The following DAGLB variants were observed in gnomAD, a reference collection of about 807,000 sequenced individuals.
The protein encoded by DAGLB is diacylglycerol lipase beta.
Under a neutral mutation model 72.1 loss-of-function variants are expected in DAGLB, and 66 were observed. That is an observed-to-expected ratio of 0.92 (90% CI 0.75 to 1.12). The LOEUF is 1.12. Ranked by LOEUF, DAGLB falls within the 50% of genes most tolerant of loss-of-function variation. The pLI, the probability that DAGLB is intolerant of heterozygous loss-of-function variation, is 0.00. For synonymous variants in DAGLB, 414 were observed against 359.5 expected, an observed-to-expected ratio of 1.15 and a Z score of -1.71; for missense variants, 1,065 against 884.9, an observed-to-expected ratio of 1.20 and a Z score of -2.58.
chr7:6,434,951 A>G lies in DAGLB; in HGVS notation c.489T>C (p.Ala163=). 1.2e-6 allele frequency: 2 copies of G among 1,614,076 alleles called. No homozygotes were observed. Among genetic ancestry groups the G allele is most frequent in the East Asian group, 2.2e-5 (1 of 44,860 alleles). The part of the protein sequence containing the change: ...IVFDPLGGKM[A]PYSSAGPSHL... Reference sequence around the variant, plus strand: ...GGCTGGGGCCGGCAGAGGAATATGGAGCCATTTTCCCCCCAAGAGGGTCAA... The same window carrying G: ...GGCTGGGGCCGGCAGAGGAATATGGGGCCATTTTCCCCCCAAGAGGGTCAA... The change falls in exon 4 of 15, where the codon GCT becomes GCC. Residue 163 remains alanine, a synonymous_variant. Coordinates refer to ENST00000297056, the MANE Select transcript of DAGLB (RefSeq NM_139179.4).
In DAGLB at chr7:6,447,905, A is replaced by G. The variant is rs1156664892; in HGVS notation, c.-63T>C. The G allele has an allele frequency of 2.0e-6, 3 of 1,506,362 alleles. No individual in the cohort carries two copies. The highest frequency in any genetic ancestry group is 2.4e-5 in the South Asian group (2 of 81,974). 93.3% of individuals were successfully genotyped at this position (1,506,362 alleles called of 1,614,324 possible). Reference sequence around the variant, plus strand: ...GCGCGCCGTTCACCGAGAACAAACCAGCACCCTCCGGACGCCGCCACCAAA... The same window carrying G: ...GCGCGCCGTTCACCGAGAACAAACCGGCACCCTCCGGACGCCGCCACCAAA... On this transcript the variant is annotated 5_prime_UTR_variant, in exon 1 of 15. Transcript: ENST00000297056.
intron 2 of DAGLB, among the ~76,000 whole-genome samples, chr7:6,436,872 C>T (rs1042222454): frequency 2.0e-5 from 3 of 151,934 alleles, no homozygotes; most frequent in Admixed American, 6.6e-5. Context: ...TGGGGCCGGG[C>T]ACGGTGACTC....
At chr7:6,433,417 T>C (rs1784554420) in intron 4 of DAGLB, among the ~76,000 whole-genome samples, 1 of 152,100 alleles carries the variant, frequency 6.6e-6, no homozygotes. Context: ...ATGGCAAGCC[T>C]CATAAAGGAC....
chr7:6,445,636 G>A (rs971578929), intron 2 of DAGLB: 1 of 176,114 alleles, frequency 5.7e-6, no homozygotes, highest in Non-Finnish European at 1.2e-5. Flanking sequence ...TCTATTTTTA[G>A]TAGAGACGTA....
At chr7:6,440,513 G>T (rs566602188) in intron 2 of DAGLB, among the ~76,000 whole-genome samples, 1 of 152,332 alleles carries the variant, frequency 6.6e-6, no homozygotes, top group East Asian at 1.9e-4. Flanking sequence ...CTTTCAGAGA[G>T]GAGTATCAGC....
At chr7:6,443,556 C>T (rs781330351) in intron 2 of DAGLB, among the ~76,000 whole-genome samples, 38 of 152,200 alleles carry the variant, frequency 2.5e-4, no homozygotes, top group Non-Finnish European at 5.3e-4. Context: ...ACCCTAAGGT[C>T]TTTTTCTCAT....
intron 2 of DAGLB, among the ~76,000 whole-genome samples, chr7:6,440,828 C>T (rs1224454264): frequency 6.6e-6 from 1 of 152,134 alleles, no homozygotes; most frequent in Non-Finnish European, 1.5e-5. Flanking sequence ...GAGATCCCAC[C>T]ACTGCACTCC....
chr7:6,419,958 C>T (rs1294047117), intron 9 of DAGLB, among the ~76,000 whole-genome samples: 1 of 152,282 alleles, frequency 6.6e-6, no homozygotes, highest in African/African-American at 2.4e-5. Flanking sequence ...GTCTGGGCAA[C>T]ACAGAGAGAC....
rs770295650 is a variant in DAGLB at position 6,436,526 on chromosome 7, A to C, written c.255T>G (p.Ile85Met). 5.0e-6 allele frequency: 8 copies of C among 1,613,936 alleles called. No individual in the cohort carries two copies. The highest frequency in any genetic ancestry group is 6.8e-6 in the Non-Finnish European group (8 of 1,179,988). Residue 85 changes from isoleucine (I) to methionine (M), a missense_variant, in exon 3 of 15, where the codon ATT becomes ATG. Physicochemically the swap from Ile to Met is conservative, Grantham distance 10. Coordinates refer to ENST00000297056, the MANE Select transcript of DAGLB (RefSeq NM_139179.4). Reference sequence around the variant, plus strand: ...TAGACTTCCGCGGTCCAGGGTTACAAATCGTTCCTGAAATACAAAAAACGT... The same window carrying C: ...TAGACTTCCGCGGTCCAGGGTTACACATCGTTCCTGAAATACAAAAAACGT... ...AIMCVSMRGT[I>M]CNPGPRKSMS...
intron 6 of DAGLB, among the ~76,000 whole-genome samples, chr7:6,428,973 T>G (rs1265320393): frequency 6.6e-6 from 1 of 151,952 alleles, no homozygotes; most frequent in Non-Finnish European, 1.5e-5. Context: ...CCCAGCTAAT[T>G]TTTATATTTT....
At chr7:6,445,846 A>G in intron 2 of DAGLB, 107 bp downstream of exon 2, 1 of 1,267,716 alleles carries the variant, frequency 7.9e-7, no homozygotes, top group Non-Finnish European at 1.1e-6. Flanking sequence ...ATTATATTAA[A>G]AACTGTTGAA....
rs761846110 is a variant in DAGLB at position 6,447,720 on chromosome 7, C to T, written c.95+28G>A. 7 of 1,605,132 alleles carry T rather than the reference C, an allele frequency of 4.4e-6. No homozygotes were observed. In the East Asian group the frequency reaches 1.1e-4, roughly 26 times the overall value. On this transcript the variant is annotated intron_variant, in intron 1 of 14. Transcript: ENST00000297056. ...CCCCCCGCTCCCTCTCCGGTGGGCT[C>T]CACCGCCCCCGTAGCCGCCGTCCTT...
At chr7:6,438,875 G>C (rs974170638) in intron 2 of DAGLB, among the ~76,000 whole-genome samples, 2 of 151,648 alleles carry the variant, frequency 1.3e-5, no homozygotes, top group Non-Finnish European at 2.9e-5. Context: ...TGATGATGAT[G>C]ATGATGATGA....
At chr7:6,427,478 G>T (rs1784349554) in intron 6 of DAGLB, among the ~76,000 whole-genome samples, 1 of 152,034 alleles carries the variant, frequency 6.6e-6, no homozygotes, top group African/African-American at 2.4e-5. Context: ...TCTCTAAAAA[G>T]AAATTTATTA....
rs146836483 is a variant in DAGLB, at chr7:6,410,272, G to C, written c.1678C>G (p.Leu560Val). 2.5e-5 allele frequency: 41 copies of C among 1,613,662 alleles called. No individual in the cohort carries two copies. The highest frequency in any genetic ancestry group is 3.4e-5 in the Non-Finnish European group (40 of 1,179,900). Residue 560 changes from leucine (L) to valine (V), a missense_variant, in exon 14 of 15, where the codon CTG becomes GTG. Transcript: ENST00000297056. Reference protein sequence around the residue: ...GDQEVLTQPLLGEQSLLTRWS... With the variant: ...GDQEVLTQPLVGEQSLLTRWS... Reference sequence around the variant, plus strand: ...CGCGTCAGTAGGCTCTGCTCCCCCAGAAGAGGCTGTGTCAGGACTTCCTGG... The same window carrying C: ...CGCGTCAGTAGGCTCTGCTCCCCCACAAGAGGCTGTGTCAGGACTTCCTGG...
intron 4 of DAGLB, 117 bp from the exon 5 acceptor site, chr7:6,433,076 C>T: frequency 7.0e-7 from 1 of 1,425,426 alleles, no homozygotes; most frequent in Non-Finnish European, 9.2e-7. Flanking sequence ...CATTTCTAGA[C>T]ACAGAGGTAT....
chr7:6,443,997 T>G (rs888835114), intron 2 of DAGLB, among the ~76,000 whole-genome samples: 1 of 152,144 alleles, frequency 6.6e-6, no homozygotes, highest in African/African-American at 2.4e-5. Flanking sequence ...TCAGACGCGG[T>G]GGTTCACCCC....
At chr7:6,431,353 T>C (rs1026548608) in intron 5 of DAGLB, among the ~76,000 whole-genome samples, 1 of 152,114 alleles carries the variant, frequency 6.6e-6, no homozygotes, top group Non-Finnish European at 1.5e-5. Context: ...CTGAACTGCT[T>C]CTGCCCCCAG....
intron 11 of DAGLB, 119 bp downstream of exon 11, chr7:6,416,508 A>C (rs921962563): frequency 6.9e-7 from 1 of 1,449,548 alleles, no homozygotes; most frequent in African/African-American, 1.4e-5. Context: ...ACGCCACTGC[A>C]CTCCAGCCTG....
Sources: allele counts gnomAD v4.1 joint callset (sites outside exome capture counted in the v4.1 genomes callset), GRCh38; gene constraint gnomAD v4.1.1; transcripts MANE v1.5; gene names NCBI Gene and HGNC (gene_info 2026-07-23, HGNC 2026-07-21).